Variants in ADCY6 observed in about 807,000 individuals in gnomAD.
The protein encoded by ADCY6 is adenylate cyclase 6.
A neutral mutation model predicts 111.6 loss-of-function variants in ADCY6; 59 were observed. That is an observed-to-expected ratio of 0.53 (90% CI 0.43 to 0.66). The LOEUF (loss-of-function observed/expected upper bound fraction) is 0.66, where lower values mean the gene tolerates loss of function less well. ADCY6 is among the 30% of genes least tolerant of loss of function. The pLI is 0.00. For synonymous variants in ADCY6, 576 were observed against 642.9 expected (o/e 0.90, Z 1.57); for missense variants, 1,242 against 1,595.6 (o/e 0.78, Z 3.78).
At position 48,783,330 on chromosome 12, in the gene ADCY6, T is replaced by G. The variant is rs2453486; in HGVS notation, c.105A>C (p.Ala35=). The G allele has an allele frequency of 0.3, 485,206 of 1,613,494 alleles. 76,002 individuals carry two copies. Among genetic ancestry groups the G allele is most frequent in the Admixed American group, 0.49 (29,090 of 59,916 alleles). The part of the protein sequence containing the change: ...QKRSRRRGTR[A]GGFCTPRYMS... ...TATAGCGGGGCGTGCAGAAGCCACC[T>G]GCCCGAGTGCCACGGCGCCGCGAAC... The change falls in exon 2 of 22, where the codon GCA becomes GCC. Residue 35 remains alanine, a synonymous_variant. Transcript: ENST00000357869.
At position 48,777,270 on chromosome 12, in the gene ADCY6, T is replaced by C; in HGVS notation, c.1249-39A>G. ...AATTGGAGGGAAGGGTAACCTTTAC[T>C]CTCTTGCCCACCCAGCCTGCATGGC... On this transcript the variant is annotated intron_variant, in intron 5 of 21. Coordinates refer to ENST00000357869, the MANE Select transcript of ADCY6 (RefSeq NM_015270.5). This position sits in a 1 kb window ranked among gnomAD's most constrained non-coding sequence, Gnocchi z 4.9. 6.2e-7 allele frequency: 1 copy of C among 1,600,374 alleles called. No individual in the cohort carries two copies. Among genetic ancestry groups the C allele is most frequent in the Non-Finnish European group, 8.5e-7 (1 of 1,172,970 alleles).
chr12:48,774,232 A>T, intron 14 of ADCY6, 134 bp from the exon 15 acceptor site: 1 of 1,071,698 alleles, frequency 9.3e-7, no homozygotes, highest in Non-Finnish European at 1.4e-6. Flanking sequence ...TCACTCAGGG[A>T]TGACAAGAGG....
At position 48,777,559 on chromosome 12, in the gene ADCY6, C is replaced by A. The variant is rs763536972; in HGVS notation, c.1137-38G>T. On this transcript the variant is annotated intron_variant, in intron 4 of 21. Transcript: ENST00000357869. The surrounding 1 kb of genome is among the most constrained non-coding windows in gnomAD (Gnocchi z 4.9). Reference sequence around the variant, plus strand: ...GCAGAGGATGAACAGAACACATAGCCCTCAAAGACTTCCAGACCCCCCGCC... The same window carrying A: ...GCAGAGGATGAACAGAACACATAGCACTCAAAGACTTCCAGACCCCCCGCC... The A allele has an allele frequency of 1.2e-6, 2 of 1,613,978 alleles. No homozygotes were observed. Among genetic ancestry groups the A allele is most frequent in the Non-Finnish European group, 1.7e-6 (2 of 1,179,930 alleles).
intron 2 of ADCY6, among the ~76,000 whole-genome samples, chr12:48,781,402 G>A (rs971657340): frequency 1.3e-5 from 2 of 152,210 alleles, no homozygotes; most frequent in African/African-American, 4.8e-5. Context: ...TTAGGGTCCA[G>A]TGGAGGACCC....
rs1414535177 is a variant in ADCY6 at position 48,771,546 on chromosome 12, C to T, written c.3051+164G>A. On this transcript the variant is annotated intron_variant, in intron 19 of 21. Transcript: ENST00000357869. The surrounding 1 kb of genome is among the most constrained non-coding windows in gnomAD (Gnocchi z 4.3). ...CTGACCCCCTTGCTGCCTCTGACAC[C>T]TTCATGGGTTCTTGCCTCTGCCTCC... 8.5e-7 allele frequency: 1 copy of T among 1,176,504 alleles called. No individual in the cohort carries two copies. Among genetic ancestry groups the T allele is most frequent in the Non-Finnish European group, 1.2e-6 (1 of 809,528 alleles). The allele number at this position is 1,176,504 out of a possible 1,614,324, so 72.9% of individuals were successfully genotyped here. A position where few individuals can be genotyped will look rare whatever the true frequency, so the allele number is the denominator to read the frequency against.
At position 48,771,246 on chromosome 12, in the gene ADCY6, C is replaced by T. The variant is rs1303845512; in HGVS notation, c.3052-276G>A. The T allele has an allele frequency of 1.9e-6, 1 of 525,344 alleles. No homozygotes were observed. Among genetic ancestry groups the T allele is most frequent in the African/African-American group, 1.9e-5 (1 of 52,596 alleles). 32.5% of individuals were successfully genotyped at this position (525,344 alleles called of 1,614,324 possible). On this transcript the variant is annotated intron_variant, in intron 19 of 21. Coordinates refer to ENST00000357869, the MANE Select transcript of ADCY6 (RefSeq NM_015270.5). This position sits in a 1 kb window ranked among gnomAD's most constrained non-coding sequence, Gnocchi z 4.3. Reference sequence around the variant, plus strand: ...TGCAATATTAAGCAATTTCTCCAATCCTTACCTTTTGGGATACTGAGTCCC... The same window carrying T: ...TGCAATATTAAGCAATTTCTCCAATTCTTACCTTTTGGGATACTGAGTCCC...
In ADCY6 at chr12:48,770,957, T is replaced by C; in HGVS notation, c.3065A>G (p.Glu1022Gly). ...IADFDEIISE[E>G]RFRQLEKIKT... The stretch of plus-strand genomic sequence containing the variant: ...GATCTTTTCCAGCTGCCGGAACCGC[T>C]CCTCGCTGATAATCTGAACAACACA... Residue 1022 changes from glutamate (E) to glycine (G), a missense_variant, in exon 20 of 22, where the codon GAG (glutamate) becomes GGG (glycine). Coordinates refer to ENST00000357869, the MANE Select transcript of ADCY6 (RefSeq NM_015270.5). The C allele has an allele frequency of 6.2e-7, 1 of 1,613,984 alleles. No individual in the cohort carries two copies. Among genetic ancestry groups the C allele is most frequent in the Non-Finnish European group, 8.5e-7 (1 of 1,180,016 alleles).
Position 48,767,467 on chromosome 12 carries a change from G to C in ADCY6, c.*1124C>G, listed in dbSNP as rs1941406605. ...GCCCACAGGAGAGAGGCAACCTGGGGTGGAGAGCTGAGGAGCAGGAGCACA... is the reference window on the plus strand; with the variant it reads ...GCCCACAGGAGAGAGGCAACCTGGGCTGGAGAGCTGAGGAGCAGGAGCACA... On this transcript the variant is annotated 3_prime_UTR_variant, in exon 22 of 22. Coordinates refer to ENST00000357869, the MANE Select transcript of ADCY6 (RefSeq NM_015270.5). The C allele has an allele frequency of 6.5e-6, 1 of 152,966 alleles. No individual in the cohort carries two copies. Among genetic ancestry groups the C allele is most frequent in the Non-Finnish European group, 1.5e-5 (1 of 68,296 alleles). 9.5% of individuals were successfully genotyped at this position (152,966 alleles called of 1,614,324 possible).
At chr12:48,774,202 T>A (rs1941631461) in intron 14 of ADCY6, 104 bp from the exon 15 acceptor site, 3 of 1,185,854 alleles carry the variant, frequency 2.5e-6, no homozygotes, top group African/African-American at 1.5e-5. Flanking sequence ...AGGTACCTTA[T>A]ACCCCATGGG....
intron 20 of ADCY6, 31 bp from the exon 21 acceptor site, chr12:48,769,092 G>A (rs1339952527): frequency 6.9e-6 from 11 of 1,588,556 alleles, no homozygotes; most frequent in Non-Finnish European, 9.4e-6. Flanking sequence ...AGAGACTAGT[G>A]GATGCTCCAG....
rs1174340907 is a variant in ADCY6, at chr12:48,768,482, TAGC to T, written c.*106_*108del. 2.7e-6 allele frequency: 4 copies of T among 1,508,524 alleles called. No homozygotes were observed. The highest frequency in any genetic ancestry group is 3.7e-6 in the Non-Finnish European group (4 of 1,090,860). The allele number at this position is 1,508,524 out of a possible 1,614,324, so 93.4% of individuals were successfully genotyped here. ...CTGCTGGGATGTTCCCTTTTGTGGT[TAGC>T]AGGGTCTGGAGGCTCAGTGCCCCCT... On this transcript the variant is annotated 3_prime_UTR_variant, in exon 22 of 22. Transcript: ENST00000357869.
At chr12:48,769,636 G>C (rs1459940231) in intron 20 of ADCY6, among the ~76,000 whole-genome samples, 1 of 150,242 alleles carries the variant, frequency 6.7e-6, no homozygotes, top group Non-Finnish European at 1.5e-5. Flanking sequence ...GCCCAGGATG[G>C]AGTGCAGTGG....
chr12:48,769,782 G>T (rs1252016257), intron 20 of ADCY6, among the ~76,000 whole-genome samples: 1 of 146,398 alleles, frequency 6.8e-6, no homozygotes, highest in Admixed American at 6.8e-5. Context: ...TTTTGGGGGG[G>T]ACAGAGTCTC....
Position 48,769,005 on chromosome 12 carries a change from C to T in ADCY6, c.3313G>A (p.Asp1105Asn), listed in dbSNP as rs1204773962. Residue 1105 changes from aspartate to asparagine, a missense_variant, in exon 21 of 22, where the codon GAC becomes AAC. By Grantham distance (23) the Asp-to-Asn change is conservative (BLOSUM62 1). This residue lies in a region of ADCY6 where 245 missense variants were observed against 371.3 expected (regional missense o/e 0.66). Coordinates refer to ENST00000357869, the MANE Select transcript of ADCY6 (RefSeq NM_015270.5). Reference sequence around the variant, plus strand: ...ACATTCACTGTGTTCCCCCAGATGTCATACTGTGGCTTCCGAGCCCCGATG... The same window carrying T: ...ACATTCACTGTGTTCCCCCAGATGTTATACTGTGGCTTCCGAGCCCCGATG... The part of the protein sequence containing the change: ...GVIGARKPQY[D>N]IWGNTVNVSS... The T allele has an allele frequency of 6.2e-7, 1 of 1,613,882 alleles. No homozygotes were observed. The highest frequency in any genetic ancestry group is 8.5e-7 in the Non-Finnish European group (1 of 1,179,958).
chr12:48,784,652 G>GA lies in ADCY6; in HGVS notation c.-4-1215dup, dbSNP rs1400673996. Among the ~76,000 whole-genome samples the GA allele has an allele frequency of 7.7e-5, 9 of 116,606 alleles. No individual in the cohort carries two copies. In the South Asian group the frequency reaches 2.7e-3, roughly 35 times the overall value. 76.5% of individuals were successfully genotyped at this position (116,606 alleles called of 152,430 possible). A position where few individuals can be genotyped will look rare whatever the true frequency, so the allele number is the denominator to read the frequency against. ...CTGATTTTTCTCAACAGAAGCAGAA[G>GA]AAAAAATCTGGAGTTTTTTTTTTTT... On this transcript the variant is annotated intron_variant, in intron 1 of 21. Transcript: ENST00000357869.
intron 1 of ADCY6, among the ~76,000 whole-genome samples, chr12:48,784,884 C>G (rs942731195): frequency 2.0e-5 from 3 of 151,992 alleles, no homozygotes; most frequent in African/African-American, 7.3e-5. Context: ...CTAGGATGGT[C>G]TCGATCTCCT....
chr12:48,789,192 G>C (rs1038151017), upstream of ADCY6: 7 of 152,142 alleles, frequency 4.6e-5, no homozygotes, highest in African/African-American at 1.7e-4. Context: ...CCCAGAAGTG[G>C]GGGCCGAGTT....
chr12:48,777,883 AGAGCCCCCTCTGACCACCCTCCATT>A lies in ADCY6; in HGVS notation c.1015-172_1015-148del. 7.3e-7 allele frequency: 1 copy of A among 1,365,064 alleles called. No homozygotes were observed. 84.6% of individuals were successfully genotyped at this position (1,365,064 alleles called of 1,614,324 possible). ...GACTGTGGCCTGACCTTCCCCCATCAGAGCCCCCTCTGACCACCCTCCATTGAGCCCCCAGATGTGCTCCTGTCTA... is the reference window on the plus strand; with the variant it reads ...GACTGTGGCCTGACCTTCCCCCATCAGAGCCCCCAGATGTGCTCCTGTCTA... On this transcript the variant is annotated intron_variant, in intron 3 of 21. Transcript: ENST00000357869. The surrounding 1 kb of genome is among the most constrained non-coding windows in gnomAD (Gnocchi z 4.9).
At position 48,776,692 on chromosome 12, in the gene ADCY6, A is replaced by G; in HGVS notation, c.1377-106T>C. ...GGGCCCAGCGGGCAAGGACAGACCC[A>G]GATGCAGGGGACGGGAGCACAGCCT... On this transcript the variant is annotated intron_variant, in intron 6 of 21. Coordinates refer to ENST00000357869, the MANE Select transcript of ADCY6 (RefSeq NM_015270.5). This position sits in a 1 kb window ranked among gnomAD's most constrained non-coding sequence, Gnocchi z 6.1. 7.1e-7 allele frequency: 1 copy of G among 1,401,556 alleles called. No individual in the cohort carries two copies. Among genetic ancestry groups the G allele is most frequent in the South Asian group, 1.4e-5 (1 of 70,380 alleles). 86.8% of individuals were successfully genotyped at this position (1,401,556 alleles called of 1,614,324 possible).
Sources: gnomAD v4.1 joint callset for allele counts (sites outside exome capture counted in the v4.1 genomes callset) on GRCh38, gnomAD v4.1.1 for gene constraint, gnomAD v4.1.1 regional missense constraint, Gnocchi (gnomAD v3.1) non-coding constraint, MANE v1.5 for transcripts, NCBI Gene and HGNC (gene_info 2026-07-23, HGNC 2026-07-21) for gene names.